UGT2B4: variants seen among roughly 807,000 people sequenced by gnomAD.
UGT2B4 encodes UDP glucuronosyltransferase family 2 member B4, also known as UDP-glucuronosyltransferase 2B4.
UGT2B4 carries 49 observed loss-of-function variants against 49.8 expected under a neutral mutation model. That is an observed-to-expected ratio of 0.98 (90% CI 0.78 to 1.25). UGT2B4 has a LOEUF of 1.25. Among genes scored for constraint, UGT2B4 ranks in the 50% most tolerant of loss-of-function variants. The pLI is 0.00. For synonymous variants in UGT2B4, 246 were observed against 217.7 expected, an observed-to-expected ratio of 1.13 and a Z score of -1.14; for missense variants, 729 against 627.7, an observed-to-expected ratio of 1.16 and a Z score of -1.73.
In UGT2B4 at chr4:69,491,676, G is replaced by A. The variant is rs1008341929; in HGVS notation, c.870+2017C>T. On this transcript the variant is annotated intron_variant, in intron 2 of 5. Coordinates refer to ENST00000305107, the MANE Select transcript of UGT2B4 (RefSeq NM_021139.3). ...CAGCTAGTATTAGTAATTATCACATGTACTACGACTCAATCTTTTTCTTAT... is the reference window on the plus strand; with the variant it reads ...CAGCTAGTATTAGTAATTATCACATATACTACGACTCAATCTTTTTCTTAT... Among the ~76,000 whole-genome samples the A allele has an allele frequency of 1.6e-4, 24 of 152,208 alleles. No individual in the cohort carries two copies. The East Asian group carries it at 3.5e-3, about 22-fold the overall frequency.
intron 1 of UGT2B4, among the ~76,000 whole-genome samples, chr4:69,504,920 A>G (rs747422350): frequency 2.0e-5 from 3 of 152,148 alleles, no homozygotes; most frequent in African/African-American, 4.8e-5. Context: ...CTGAAACCCT[A>G]TAAGTCAGAA....
intron 1 of UGT2B4, among the ~76,000 whole-genome samples, chr4:69,506,197 C>T (rs1454481617): frequency 6.6e-6 from 1 of 151,842 alleles, no homozygotes; most frequent in East Asian, 1.9e-4. Context: ...AATTCCAAAG[C>T]TAGCAGAAGC....
upstream of UGT2B4, among the ~76,000 whole-genome samples, chr4:69,496,199 G>T (rs1046098337): frequency 1.3e-5 from 2 of 150,680 alleles, no homozygotes; most frequent in Non-Finnish European, 3.0e-5. Context: ...TAATTTTTCT[G>T]TATTTTTAGT....
chr4:69,480,350 A>G lies in UGT2B4; in HGVS notation c.*284T>C. The G allele has an allele frequency of 3.2e-6, 1 of 313,014 alleles. No individual in the cohort carries two copies. Among genetic ancestry groups the G allele is most frequent in the Non-Finnish European group, 5.8e-6 (1 of 172,058 alleles). 19.4% of individuals were successfully genotyped at this position (313,014 alleles called of 1,614,324 possible). A position where few individuals can be genotyped will look rare whatever the true frequency, so the allele number is the denominator to read the frequency against. ...AAGCTTAGTAAATTTTTTTTCATGT[A>G]ACCTGTGAATTGGAACAATAAATTT... On this transcript the variant is annotated 3_prime_UTR_variant, in exon 6 of 6. Coordinates refer to ENST00000305107, the MANE Select transcript of UGT2B4 (RefSeq NM_021139.3).
intron 1 of UGT2B4, among the ~76,000 whole-genome samples, chr4:69,504,767 C>A (rs1334108239): frequency 1.3e-5 from 2 of 151,844 alleles, no homozygotes; most frequent in Admixed American, 6.6e-5. Flanking sequence ...TAAGATACTC[C>A]ATGAGAAGAT....
chr4:69,493,676 A>G lies in UGT2B4; in HGVS notation c.870+17T>C. On this transcript the variant is annotated intron_variant, in intron 2 of 5. Transcript: ENST00000305107. Reference sequence around the variant, plus strand: ...ACTGAAACTTCAAAGCAGACAAAACAAACAGTAATAGTTTACCTTCGGTAG... The same window carrying G: ...ACTGAAACTTCAAAGCAGACAAAACGAACAGTAATAGTTTACCTTCGGTAG... 2 of 1,592,814 alleles carry G rather than the reference A, an allele frequency of 1.3e-6. No individual in the cohort carries two copies. Among genetic ancestry groups the G allele is most frequent in the African/African-American group, 1.4e-5 (1 of 73,550 alleles).
intron 1 of UGT2B4, among the ~76,000 whole-genome samples, chr4:69,519,485 T>C (rs1326097602): frequency 6.6e-6 from 1 of 152,206 alleles, no homozygotes; most frequent in Admixed American, 6.5e-5. Context: ...TTCCTCCATC[T>C]ACTCAGATAT....
chr4:69,503,311 C>T (rs1345059090), intron 1 of UGT2B4, among the ~76,000 whole-genome samples: 1 of 152,142 alleles, frequency 6.6e-6, no homozygotes, highest in Non-Finnish European at 1.5e-5. Flanking sequence ...CAGCAGTGGA[C>T]TGTGCCTGAC....
chr4:69,513,856 A>G (rs895915426), intron 1 of UGT2B4, among the ~76,000 whole-genome samples: 1 of 152,084 alleles, frequency 6.6e-6, no homozygotes, highest in African/African-American at 2.4e-5. Flanking sequence ...GGAGCTCATT[A>G]ATAATTTGGC....
At chr4:69,514,052 A>G (rs1282380733) in intron 1 of UGT2B4, among the ~76,000 whole-genome samples, 1 of 151,764 alleles carries the variant, frequency 6.6e-6, no homozygotes, top group Non-Finnish European at 1.5e-5. Flanking sequence ...TGAAATCTGA[A>G]TAAATGAATA....
At chr4:69,525,508 A>T (rs143882664) in intron 1 of UGT2B4, among the ~76,000 whole-genome samples, 187 of 152,254 alleles carry the variant, frequency 1.2e-3, no homozygotes, top group African/African-American at 4.4e-3. Context: ...GTTCCTTCAG[A>T]GCTTAATTTT....
exon 1 of UGT2B4, chr4:69,525,735 T>A: frequency 1.6e-6 from 2 of 1,274,728 alleles, no homozygotes; most frequent in Non-Finnish European, 2.0e-6. Flanking sequence ...AACATTATGA[T>A]GTAGTCCCTG....
rs1273592027 is a variant in UGT2B4 at position 69,495,498 on chromosome 4, T to C, written c.364A>G (p.Ile122Val). ...ATATCCTTACAGAACTTTCTAAGTA[T>C]GTCATTAAATGTCCACATGATTTCT... is the stretch of plus-strand genomic sequence containing the variant. The part of the protein sequence containing the change: ...VQEIMWTFND[I>V]LRKFCKDIVS... Residue 122 changes from isoleucine (I) to valine (V), a missense_variant, in exon 1 of 6, where the codon ATA (isoleucine) becomes GTA (valine). Ile to Val is a conservative substitution (Grantham distance 29, BLOSUM62 3). Transcript: ENST00000305107. 1 of 1,612,088 alleles carries C rather than the reference T, an allele frequency of 6.2e-7. No homozygotes were observed. Among genetic ancestry groups the C allele is most frequent in the Non-Finnish European group, 8.5e-7 (1 of 1,178,852 alleles).
At chr4:69,481,573 A>G (rs752736909) in intron 5 of UGT2B4, among the ~76,000 whole-genome samples, 1 of 152,148 alleles carries the variant, frequency 6.6e-6, no homozygotes, top group Non-Finnish European at 1.5e-5. Flanking sequence ...TATGAGGTGC[A>G]TGAGATGTTT....
intron 1 of UGT2B4, among the ~76,000 whole-genome samples, chr4:69,508,207 G>T (rs1728523068): frequency 1.3e-5 from 2 of 152,060 alleles, no homozygotes; most frequent in Non-Finnish European, 2.9e-5. Flanking sequence ...TAAAAAAACA[G>T]ATGTTGGAGA....
rs370724460 is a variant in UGT2B4 at position 69,495,430 on chromosome 4, T to A, written c.432A>T (p.Arg144Ser). The change falls in exon 1 of 6, where the codon AGA (arginine) becomes AGT (serine). Residue 144 changes from arginine (R) to serine (S), a missense_variant. By Grantham distance (110) the Arg-to-Ser change is moderately radical. Coordinates refer to ENST00000305107, the MANE Select transcript of UGT2B4 (RefSeq NM_021139.3). ...CAGCATCTGCAAGAACAACATCAAA[T>A]CTTGACTCCTGTAGTTTCTTCATAA... ...KKLMKKLQES[R>S]FDVVLADAVF... 5 of 1,613,786 alleles carry A rather than the reference T, an allele frequency of 3.1e-6. No homozygotes were observed. In the African/African-American group the frequency reaches 6.7e-5, roughly 22 times the overall value.
At chr4:69,502,130 T>TTTCTTTCTTTCTTTCTTTC (rs1553896688) in intron 1 of UGT2B4, among the ~76,000 whole-genome samples, 2 of 143,188 alleles carry the variant, frequency 1.4e-5, no homozygotes, top group African/African-American at 5.3e-5. Flanking sequence ...TCTTTCTTTC[T>TTTCTTTCTTTCTTTCTTTC]TTCTTTCTTT....
At chr4:69,500,606 G>GCAAGAAAGAAAGA (rs1553896493), upstream of UGT2B4, among the ~76,000 whole-genome samples, 10 of 99,510 alleles carry the variant, frequency 1.0e-4, no homozygotes, top group Non-Finnish European at 1.8e-4. Flanking sequence ...AGAAAGCAAG[G>GCAAGAAAGAAAGA]AAGAAAGAAA....
chr4:69,520,911 T>C (rs1306065536), intron 1 of UGT2B4, among the ~76,000 whole-genome samples: 1 of 152,174 alleles, frequency 6.6e-6, no homozygotes, highest in African/African-American at 2.4e-5. Flanking sequence ...GGGGCTGATA[T>C]GTCAGTTGAA....
Sources: gnomAD v4.1 joint callset for allele counts (sites outside exome capture counted in the v4.1 genomes callset) on GRCh38, gnomAD v4.1.1 for gene constraint, MANE v1.5 for transcripts, NCBI Gene and HGNC (gene_info 2026-07-23, HGNC 2026-07-21) for gene names.